Variants in CDC42SE2 observed in about 807,000 individuals in gnomAD.
The protein encoded by CDC42SE2 is CDC42 small effector 2, also known as CDC42 small effector protein 2.
CDC42SE2 carries 3 observed loss-of-function variants against 11.5 expected under a neutral mutation model. That is an observed-to-expected ratio of 0.26 (90% CI 0.12 to 0.67). CDC42SE2 has a LOEUF of 0.67. Among genes scored for constraint, CDC42SE2 ranks in the 30% least tolerant of loss-of-function variants. The pLI is 0.80. For missense variants in CDC42SE2, 82 were observed against 106.8 expected, an observed-to-expected ratio of 0.77 and a Z score of 1.02; for synonymous variants, 33 against 34.8, an observed-to-expected ratio of 0.95 and a Z score of 0.18.
the CDC42SE2 span, among the ~76,000 whole-genome samples, chr5:131,216,531 ACT>A: frequency 6.2e-5 from 9 of 145,328 alleles, no homozygotes; most frequent in African/African-American, 2.5e-4. Context: ...AACATTATAG[ACT>A]ATAACTAAAA....
At chr5:131,383,163 A>G (rs1750372835) in intron 3 of CDC42SE2, among the ~76,000 whole-genome samples, 2 of 152,210 alleles carry the variant, frequency 1.3e-5, no homozygotes, top group Admixed American at 1.3e-4. Context: ...TCCAGATCAA[A>G]GGATGGTTGT....
rs1336807235 is a variant in CDC42SE2 at position 131,355,448 on chromosome 5, G to A, written c.-285-3761G>A. 3.3e-5 allele frequency among the ~76,000 whole-genome samples: 5 copies of A among 152,040 alleles called. No individual in the cohort carries two copies. The East Asian group carries it at 9.7e-4, about 29-fold the overall frequency. ...GCCAGGATTGCTCCACTCCACTGCA[G>A]CCTGGGCAACAGAGCTGAAACTCTG... On this transcript the variant is annotated intron_variant, in intron 2 of 4. Coordinates refer to ENST00000505065, the MANE Select transcript of CDC42SE2 (RefSeq NM_001375635.1).
At chr5:131,370,001 A>G (rs1436092220) in intron 3 of CDC42SE2, among the ~76,000 whole-genome samples, 2 of 152,230 alleles carry the variant, frequency 1.3e-5, no homozygotes, top group Non-Finnish European at 2.9e-5. Flanking sequence ...TCAGTAGCCA[A>G]CATACATCCA....
At chr5:131,263,184 T>C (rs1016909571), upstream of CDC42SE2, among the ~76,000 whole-genome samples, 3 of 151,772 alleles carry the variant, frequency 2.0e-5, no homozygotes, top group African/African-American at 7.3e-5. Context: ...ACAAGCTTTC[T>C]TGACAGATTG....
intron 2 of CDC42SE2, among the ~76,000 whole-genome samples, chr5:131,338,970 G>A (rs757053412): frequency 2.6e-5 from 4 of 152,082 alleles, no homozygotes; most frequent in African/African-American, 4.8e-5. Context: ...TGTTCAGGCC[G>A]GGCGTGGTGG....
At chr5:131,324,506 G>A (rs1580754463) in intron 2 of CDC42SE2, among the ~76,000 whole-genome samples, 1 of 152,032 alleles carries the variant, frequency 6.6e-6, no homozygotes, top group East Asian at 1.9e-4. Flanking sequence ...AATTAGTTGT[G>A]CAGCTGCAAC....
chr5:131,219,143 T>C, the CDC42SE2 span, among the ~76,000 whole-genome samples: 4 of 144,112 alleles, frequency 2.8e-5, no homozygotes, highest in African/African-American at 1.1e-4. Flanking sequence ...TATAAGAAAA[T>C]GTTGTACTAA....
intron 2 of CDC42SE2, among the ~76,000 whole-genome samples, chr5:131,319,346 G>A (rs1192465769): frequency 1.3e-5 from 2 of 152,088 alleles, no homozygotes; most frequent in African/African-American, 4.8e-5. Flanking sequence ...TCTTACCCTA[G>A]GGCCATAGAA....
chr5:131,270,298 C>A (rs1220514072), intron 1 of CDC42SE2, among the ~76,000 whole-genome samples: 3 of 152,014 alleles, frequency 2.0e-5, no homozygotes, highest in Non-Finnish European at 1.5e-5. Context: ...TGGCATGGAC[C>A]CGGGAGGCAG....
chr5:131,280,321 C>T (rs925722699), intron 1 of CDC42SE2, among the ~76,000 whole-genome samples: 6 of 152,104 alleles, frequency 3.9e-5, no homozygotes, highest in African/African-American at 1.4e-4. Flanking sequence ...AATAACTAGT[C>T]AGTGGTCATG....
intron 3 of CDC42SE2, among the ~76,000 whole-genome samples, chr5:131,380,641 G>T (rs1258342579): frequency 6.6e-6 from 1 of 152,156 alleles, no homozygotes; most frequent in African/African-American, 2.4e-5. Flanking sequence ...GCCTTCTCAG[G>T]AACCTTGTAA....
intron 2 of CDC42SE2, among the ~76,000 whole-genome samples, chr5:131,320,864 A>G (rs750691484): frequency 7.2e-5 from 11 of 152,252 alleles, no homozygotes; most frequent in Admixed American, 5.9e-4. Context: ...GAAAGCACGT[A>G]TCGGATCAGT....
At chr5:131,290,268 A>G (rs1561573664) in intron 1 of CDC42SE2, among the ~76,000 whole-genome samples, 2 of 152,134 alleles carry the variant, frequency 1.3e-5, no homozygotes, top group Admixed American at 6.6e-5. Context: ...CTGAAAATTG[A>G]TTTCCTTAAA....
In CDC42SE2 at chr5:131,359,468, G is replaced by C. The variant is rs776701914; in HGVS notation, c.-26G>C. The stretch of plus-strand genomic sequence containing the variant: ...GAGTTGAGATTTGGAACCTTCATTG[G>C]TGCTCATTTACTGTGGACTGTAAGC... On this transcript the variant is annotated 5_prime_UTR_variant, in exon 3 of 5. Coordinates refer to ENST00000505065, the MANE Select transcript of CDC42SE2 (RefSeq NM_001375635.1). 1 of 1,597,778 alleles carries C rather than the reference G, an allele frequency of 6.3e-7. No homozygotes were observed. The highest frequency in any genetic ancestry group is 1.7e-5 in the Admixed American group (1 of 59,986).
chr5:131,219,184 T>A, the CDC42SE2 span, among the ~76,000 whole-genome samples: 1 of 152,226 alleles, frequency 6.6e-6, no homozygotes. Context: ...ATTTTTATTT[T>A]AAAATAAAAT....
intron 1 of CDC42SE2, among the ~76,000 whole-genome samples, chr5:131,313,113 G>T (rs1357441946): frequency 6.6e-6 from 1 of 151,842 alleles, no homozygotes; most frequent in South Asian, 2.1e-4. Context: ...CTCCCTTGTA[G>T]CTGGGACTAC....
At chr5:131,334,581 A>T (rs1758507593) in intron 2 of CDC42SE2, among the ~76,000 whole-genome samples, 1 of 152,132 alleles carries the variant, frequency 6.6e-6, no homozygotes, top group African/African-American at 2.4e-5. Context: ...TTTGGCTGTG[A>T]ATCTATGTGG....
At chr5:131,343,966 TA>T (rs1228717331) in intron 2 of CDC42SE2, among the ~76,000 whole-genome samples, 1 of 152,180 alleles carries the variant, frequency 6.6e-6, no homozygotes, top group African/African-American at 2.4e-5. Context: ...TCCCCTACCA[TA>T]ATAATGGATA....
At chr5:131,335,938 C>A (rs372165034) in intron 2 of CDC42SE2, among the ~76,000 whole-genome samples, 4 of 151,164 alleles carry the variant, frequency 2.6e-5, no homozygotes, top group African/African-American at 7.3e-5. Context: ...CCAGTCTGTG[C>A]CTTTTAATTG....
Sources: gnomAD v4.1 joint callset for allele counts (sites outside exome capture counted in the v4.1 genomes callset) on GRCh38, gnomAD v4.1.1 for gene constraint, MANE v1.5 for transcripts, NCBI Gene and HGNC (gene_info 2026-07-23, HGNC 2026-07-21) for gene names.